NEGR1: variants seen among roughly 807,000 people sequenced by gnomAD.
NEGR1 encodes the protein IgLON family member 4.
A neutral mutation model predicts 40.9 loss-of-function variants in NEGR1; 10 were observed. The ratio of observed to expected loss-of-function variants is 0.24; its 90% CI spans 0.15 to 0.42. The LOEUF is 0.42. Among genes scored for constraint, NEGR1 ranks in the 10% least tolerant of loss-of-function variants. The pLI is 1.00. For synonymous variants in NEGR1, 185 were observed against 166.8 expected (o/e 1.11, Z -0.84); for missense variants, 352 against 438.9 (o/e 0.80, Z 1.77).
chr1:71,640,431 T>C (rs1442571866), intron 4 of NEGR1, among the ~76,000 whole-genome samples: 1 of 152,036 alleles, frequency 6.6e-6, no homozygotes, highest in Non-Finnish European at 1.5e-5. Flanking sequence ...TGGCCTTCCC[T>C]ACTGATTCAA....
At chr1:71,642,957 A>C (rs980405542) in intron 4 of NEGR1, among the ~76,000 whole-genome samples, 4 of 151,980 alleles carry the variant, frequency 2.6e-5, no homozygotes, top group Admixed American at 2.6e-4. Context: ...GGTAGGGCTA[A>C]GTATATTCAG....
chr1:71,714,285 C>T (rs557266643), intron 3 of NEGR1, among the ~76,000 whole-genome samples: 9 of 152,212 alleles, frequency 5.9e-5, no homozygotes, highest in Middle Eastern at 6.8e-3. Flanking sequence ...CTGGTACTGC[C>T]CTTTACACCT....
chr1:72,079,433 A>T (rs374936121), intron 1 of NEGR1, among the ~76,000 whole-genome samples: 22 of 152,034 alleles, frequency 1.4e-4, no homozygotes, highest in African/African-American at 4.6e-4. Flanking sequence ...TTAGCTGGTA[A>T]TCACTTTTTT....
In NEGR1 at chr1:71,941,287, A is replaced by G. The variant is rs376223626; in HGVS notation, c.177-5976T>C. On this transcript the variant is annotated intron_variant, in intron 1 of 6. Coordinates refer to ENST00000357731, the MANE Select transcript of NEGR1 (RefSeq NM_173808.3). ...CCAAATGAGGTAAGGCAAGTGAAGCAGAGATTATATGGAAGAGAACAGAAA... is the reference window on the plus strand; with the variant it reads ...CCAAATGAGGTAAGGCAAGTGAAGCGGAGATTATATGGAAGAGAACAGAAA... Among the ~76,000 whole-genome samples, 6 of 152,286 alleles carry G rather than the reference A, an allele frequency of 3.9e-5. No individual in the cohort carries two copies. The South Asian group carries it at 8.3e-4, about 21-fold the overall frequency.
At chr1:71,924,070 T>A (rs1173245866) in intron 2 of NEGR1, among the ~76,000 whole-genome samples, 1 of 151,986 alleles carries the variant, frequency 6.6e-6, no homozygotes, top group Non-Finnish European at 1.5e-5. Context: ...TAAAAAAAAA[T>A]TGTAGAAATA....
At chr1:71,993,166 A>G (rs1031678472) in intron 1 of NEGR1, among the ~76,000 whole-genome samples, 1 of 152,220 alleles carries the variant, frequency 6.6e-6, no homozygotes. Context: ...ATTCTTCTCA[A>G]TTGAAGATTA....
chr1:72,047,407 T>C (rs965853709), intron 1 of NEGR1, among the ~76,000 whole-genome samples: 2 of 151,480 alleles, frequency 1.3e-5, no homozygotes, highest in African/African-American at 2.4e-5. Flanking sequence ...GACGATCCTA[T>C]TTCCTAAAAT....
chr1:72,012,598 A>G (rs574275921), intron 1 of NEGR1, among the ~76,000 whole-genome samples: 15 of 151,998 alleles, frequency 9.9e-5, no homozygotes, highest in Non-Finnish European at 1.9e-4. Flanking sequence ...AATTTTTTAT[A>G]TGCATAAATG....
intron 1 of NEGR1, among the ~76,000 whole-genome samples, chr1:71,997,630 GAATC>G (rs1391251239): frequency 6.6e-6 from 1 of 151,826 alleles, no homozygotes; most frequent in Non-Finnish European, 1.5e-5. Flanking sequence ...GTCTCCCTGA[GAATC>G]TATTATAGTA....
intron 2 of NEGR1, among the ~76,000 whole-genome samples, chr1:71,899,121 G>A (rs910642404): frequency 1.3e-5 from 2 of 150,032 alleles, no homozygotes; most frequent in African/African-American, 2.5e-5. Context: ...ATCCACTTTT[G>A]CAACTTCTTT....
At chr1:71,520,528 A>G (rs575659819) in intron 6 of NEGR1, among the ~76,000 whole-genome samples, 1 of 152,220 alleles carries the variant, frequency 6.6e-6, no homozygotes, top group East Asian at 1.9e-4. Context: ...ATGGACTAAT[A>G]TATACATTCT....
At chr1:71,829,478 T>C (rs895277783) in intron 2 of NEGR1, among the ~76,000 whole-genome samples, 1 of 151,880 alleles carries the variant, frequency 6.6e-6, no homozygotes, top group Non-Finnish European at 1.5e-5. Flanking sequence ...TCAGAGCTGC[T>C]GCCTACAGCT....
chr1:71,457,458 T>G (rs1646680976), intron 6 of NEGR1, among the ~76,000 whole-genome samples: 1 of 152,178 alleles, frequency 6.6e-6, no homozygotes, highest in Non-Finnish European at 1.5e-5. Flanking sequence ...CTTTCAGTCA[T>G]TCATCGCATG....
At chr1:72,125,155 C>T (rs1036659133) in intron 1 of NEGR1, among the ~76,000 whole-genome samples, 32 of 151,970 alleles carry the variant, frequency 2.1e-4, no homozygotes, top group African/African-American at 6.5e-4. Context: ...TAGAATAACA[C>T]TTGTGATCAC....
chr1:71,552,123 C>T (rs1180827306), intron 6 of NEGR1, among the ~76,000 whole-genome samples: 1 of 151,412 alleles, frequency 6.6e-6, no homozygotes, highest in East Asian at 2.0e-4. Flanking sequence ...GAGAATCTCT[C>T]ACTCTTCATA....
intron 1 of NEGR1, among the ~76,000 whole-genome samples, chr1:72,033,008 T>C (rs957162200): frequency 1.3e-5 from 2 of 152,144 alleles, no homozygotes; most frequent in African/African-American, 4.8e-5. Flanking sequence ...AAGCAATTCT[T>C]AAAAATTGTA....
intron 1 of NEGR1, among the ~76,000 whole-genome samples, chr1:72,045,305 A>T (rs1646990968): frequency 6.6e-6 from 1 of 151,846 alleles, no homozygotes; most frequent in Non-Finnish European, 1.5e-5. Flanking sequence ...GAAACTAGAA[A>T]CAAACAAGTT....
intron 4 of NEGR1, among the ~76,000 whole-genome samples, chr1:71,644,127 A>G (rs1193471111): frequency 4.6e-5 from 7 of 151,922 alleles, no homozygotes; most frequent in South Asian, 2.1e-4. Context: ...ACTGGTCCCT[A>G]TGAGCTGATT....
intron 1 of NEGR1, among the ~76,000 whole-genome samples, chr1:72,129,617 T>C (rs1033819131): frequency 7.2e-5 from 11 of 152,060 alleles, no homozygotes; most frequent in Non-Finnish European, 2.9e-5. Flanking sequence ...ATAAAAGTAA[T>C]AAAATGTTGC....
Sources: gnomAD v4.1 joint callset for allele counts (sites outside exome capture counted in the v4.1 genomes callset) on GRCh38, gnomAD v4.1.1 for gene constraint, MANE v1.5 for transcripts, NCBI Gene and HGNC (gene_info 2026-07-23, HGNC 2026-07-21) for gene names.